The following GALNT14 variants were observed in gnomAD, a reference collection of about 807,000 sequenced individuals.
GALNT14 encodes the protein polypeptide N-acetylgalactosaminyltransferase 14.
In GALNT14, 60 loss-of-function variants were observed where a neutral mutation model predicts 77.5. That is an observed-to-expected ratio of 0.77 (90% CI 0.63 to 0.96). The LOEUF is 0.96. Among genes scored for constraint, GALNT14 ranks in the 40% least tolerant of loss-of-function variants. The pLI is 0.00. For missense variants in GALNT14, 710 were observed against 731.0 expected, an observed-to-expected ratio of 0.97 and a Z score of 0.33; for synonymous variants, 280 against 281.7, an observed-to-expected ratio of 0.99 and a Z score of 0.06.
intron 1 of GALNT14, among the ~76,000 whole-genome samples, chr2:31,016,775 C>T (rs1057469000): frequency 1.3e-5 from 2 of 152,184 alleles, no homozygotes; most frequent in South Asian, 4.1e-4. Flanking sequence ...TCTTCCCCCG[C>T]CTGCCCTGTC....
intron 1 of GALNT14, among the ~76,000 whole-genome samples, chr2:31,112,367 C>T (rs1167408264): frequency 6.6e-6 from 1 of 152,184 alleles, no homozygotes; most frequent in South Asian, 2.1e-4. Context: ...TATTCATAGA[C>T]CCTTAGCTTC....
chr2:31,057,001 C>T (rs1241587773), intron 1 of GALNT14, among the ~76,000 whole-genome samples: 2 of 151,996 alleles, frequency 1.3e-5, no homozygotes, highest in East Asian at 1.9e-4. Context: ...CAGCTGGAGG[C>T]CATTAACCTC....
chr2:30,897,055 A>G, the GALNT14 span, among the ~76,000 whole-genome samples: 1 of 151,934 alleles, frequency 6.6e-6, no homozygotes, highest in Non-Finnish European at 1.5e-5. Flanking sequence ...CCGCTACTTT[A>G]CTCGATTAAG....
chr2:30,913,566 GTTCGGAGGAACCAC>G (rs1038185466), intron 13 of GALNT14, among the ~76,000 whole-genome samples: 1 of 152,140 alleles, frequency 6.6e-6, no homozygotes, highest in African/African-American at 2.4e-5. Flanking sequence ...GACCTGGGTG[GTTCGGAGGAACCAC>G]TCCCACAGGC....
intron 5 of GALNT14, 74 bp downstream of exon 5, chr2:30,955,838 A>C: frequency 3.2e-6 from 5 of 1,585,250 alleles, no homozygotes; most frequent in Non-Finnish European, 4.3e-6. Flanking sequence ...GATCACCCCA[A>C]CACACACACA....
chr2:30,957,544 G>A (rs536386826), intron 4 of GALNT14, among the ~76,000 whole-genome samples: 1 of 152,150 alleles, frequency 6.6e-6, no homozygotes. Context: ...AGAACTCAGA[G>A]TCTTGATCTC....
chr2:30,951,716 G>C (rs1667038170), intron 6 of GALNT14, among the ~76,000 whole-genome samples: 1 of 152,204 alleles, frequency 6.6e-6, no homozygotes, highest in African/African-American at 2.4e-5. Context: ...TTTGGGGGCA[G>C]TGGCCATGGG....
chr2:30,893,773 T>TAA, the GALNT14 span, among the ~76,000 whole-genome samples: 5 of 145,072 alleles, frequency 3.4e-5, no homozygotes, highest in East Asian at 2.0e-4. Context: ...TTACCTTGAT[T>TAA]AAAAAAAAAA....
intron 11 of GALNT14, 130 bp from the exon 12 acceptor site, chr2:30,924,953 T>C (rs567038171): frequency 1.6e-5 from 10 of 633,816 alleles, no homozygotes; most frequent in Non-Finnish European, 2.8e-5. Context: ...CACATCTCTC[T>C]GGAAGGTGCT....
chr2:31,043,622 G>A (rs1253736737), intron 1 of GALNT14, among the ~76,000 whole-genome samples: 1 of 151,830 alleles, frequency 6.6e-6, no homozygotes, highest in Non-Finnish European at 1.5e-5. Flanking sequence ...AAACTCTCTA[G>A]GATCCTCCAT....
intron 3 of GALNT14, among the ~76,000 whole-genome samples, chr2:30,962,132 C>A (rs532176850): frequency 2.6e-5 from 4 of 152,308 alleles, no homozygotes; most frequent in African/African-American, 7.2e-5. Context: ...ACAATATACA[C>A]CTGTTGTCAC....
chr2:31,005,862 T>C (rs1261875999), intron 1 of GALNT14, among the ~76,000 whole-genome samples: 3 of 152,264 alleles, frequency 2.0e-5, no homozygotes. Flanking sequence ...TACATAAGGT[T>C]ATTATCAGCT....
At chr2:30,990,870 G>A (rs1669655199) in intron 2 of GALNT14, among the ~76,000 whole-genome samples, 1 of 152,190 alleles carries the variant, frequency 6.6e-6, no homozygotes, top group Non-Finnish European at 1.5e-5. Flanking sequence ...CCCAAAGGGA[G>A]TCTAAATTCT....
chr2:31,117,512 G>T (rs1171439428), intron 1 of GALNT14, among the ~76,000 whole-genome samples: 3 of 152,152 alleles, frequency 2.0e-5, no homozygotes, highest in African/African-American at 4.8e-5. Flanking sequence ...GCAAAAACTG[G>T]CTCTTTGAAA....
chr2:30,906,026 C>A (rs1445725891), downstream of GALNT14, among the ~76,000 whole-genome samples: 2 of 150,194 alleles, frequency 1.3e-5, no homozygotes, highest in East Asian at 3.9e-4. Flanking sequence ...GATTTTGTCA[C>A]CACCAGGCCT....
intron 1 of GALNT14, among the ~76,000 whole-genome samples, chr2:31,020,350 T>C (rs944908880): frequency 6.6e-6 from 1 of 152,222 alleles, no homozygotes; most frequent in Non-Finnish European, 1.5e-5. Flanking sequence ...TAGTTTATAG[T>C]ATTGTCATGT....
At chr2:31,020,315 A>T (rs1325700753) in intron 1 of GALNT14, among the ~76,000 whole-genome samples, 1 of 152,232 alleles carries the variant, frequency 6.6e-6, no homozygotes, top group African/African-American at 2.4e-5. Flanking sequence ...ATTTTGCTAG[A>T]ACTTTTCCAT....
rs1006592805 is a variant in GALNT14, at chr2:31,002,304, C to T, written c.130-9297G>A. Among the ~76,000 whole-genome samples the T allele has an allele frequency of 3.3e-5, 5 of 152,160 alleles. No individual in the cohort carries two copies. The East Asian group carries it at 7.7e-4, about 24-fold the overall frequency. Reference sequence around the variant, plus strand: ...AATTACCCGGGCGTGGTGATGTGCGCCCGTGGTCCCAGCTACTTGGGAGGC... The same window carrying T: ...AATTACCCGGGCGTGGTGATGTGCGTCCGTGGTCCCAGCTACTTGGGAGGC... On this transcript the variant is annotated intron_variant, in intron 1 of 14. Transcript: ENST00000349752.
At chr2:31,018,021 A>G (rs1671485731) in intron 1 of GALNT14, among the ~76,000 whole-genome samples, 1 of 152,328 alleles carries the variant, frequency 6.6e-6, no homozygotes, top group South Asian at 2.1e-4. Context: ...TCATTTCCCG[A>G]GTACGGTCAG....
Sources: allele counts gnomAD v4.1 joint callset (sites outside exome capture counted in the v4.1 genomes callset), GRCh38; gene constraint gnomAD v4.1.1; transcripts MANE v1.5; gene names NCBI Gene and HGNC (gene_info 2026-07-23, HGNC 2026-07-21).